Variants in OR9Q1 observed in about 807,000 individuals in gnomAD.
OR9Q1 encodes olfactory receptor 9Q1.
For missense variants in OR9Q1, 374 were observed against 378.8 expected (o/e 0.99, Z 0.11); for synonymous variants, 153 against 148.6 (o/e 1.03, Z -0.22).
chr11:58,112,296 GA>G (rs924746837), intron 2 of OR9Q1, among the ~76,000 whole-genome samples: 51 of 80,218 alleles, frequency 6.4e-4, no homozygotes, highest in South Asian at 4.4e-3. Flanking sequence ...TCGTCTCAAA[GA>G]AAAAAAAAAA....
intron 2 of OR9Q1, among the ~76,000 whole-genome samples, chr11:58,110,794 G>T (rs947607148): frequency 4.6e-5 from 7 of 152,140 alleles, no homozygotes; most frequent in Admixed American, 4.6e-4. Flanking sequence ...TAGAAATCAG[G>T]CTGATTATTC....
At chr11:58,060,035 G>A (rs1386289759) in intron 2 of OR9Q1, 1 of 152,372 alleles carries the variant, frequency 6.6e-6, no homozygotes, top group Non-Finnish European at 1.5e-5. Context: ...TCTGGTAGGA[G>A]ACTTGCTGGG....
chr11:58,141,998 G>A (rs1446027019), intron 2 of OR9Q1, among the ~76,000 whole-genome samples: 1 of 152,062 alleles, frequency 6.6e-6, no homozygotes, highest in Non-Finnish European at 1.5e-5. Flanking sequence ...TCCATTGCTG[G>A]CAATTTATGT....
chr11:58,128,353 T>C (rs1428462032), intron 2 of OR9Q1, among the ~76,000 whole-genome samples: 1 of 151,034 alleles, frequency 6.6e-6, no homozygotes, highest in Non-Finnish European at 1.5e-5. Context: ...CTTTTTCAGA[T>C]GTAAGAATTG....
chr11:58,144,124 A>C (rs2513719), intron 2 of OR9Q1, among the ~76,000 whole-genome samples: 149,333 of 150,800 alleles, frequency 0.99, 73,957 homozygotes, highest in East Asian at 1. Flanking sequence ...GTGTGCTGCA[A>C]CCATTAACTC....
chr11:58,166,010 GCAGAGACGGTGGGT>G (rs1410630839), intron 2 of OR9Q1, among the ~76,000 whole-genome samples: 2 of 152,168 alleles, frequency 1.3e-5, no homozygotes, highest in African/African-American at 4.8e-5. Context: ...CAGGAAAGAG[GCAGAGACGGTGGGT>G]CACCAAAAAG....
chr11:58,110,456 C>A (rs892017853), intron 2 of OR9Q1, among the ~76,000 whole-genome samples: 3 of 152,094 alleles, frequency 2.0e-5, no homozygotes, highest in Non-Finnish European at 4.4e-5. Flanking sequence ...TCTGTGAAAC[C>A]ATTAGGTTTA....
intron 2 of OR9Q1, chr11:58,118,730 A>G (rs755715601): frequency 3.7e-6 from 6 of 1,614,074 alleles, no homozygotes; most frequent in Non-Finnish European, 4.2e-6. Context: ...GCACATGTGG[A>G]GAAAGTCTTG....
chr11:58,103,817 G>A (rs185548378), intron 2 of OR9Q1, among the ~76,000 whole-genome samples: 174 of 152,188 alleles, frequency 1.1e-3, no homozygotes, highest in South Asian at 2.9e-3. Context: ...TTTTATTCTG[G>A]GTAAGCACAG....
chr11:58,126,959 G>A (rs1471469481), intron 2 of OR9Q1, among the ~76,000 whole-genome samples: 1 of 151,416 alleles, frequency 6.6e-6, no homozygotes, highest in Non-Finnish European at 1.5e-5. Flanking sequence ...TATTGTTATT[G>A]TTAAGCATTT....
intron 2 of OR9Q1, among the ~76,000 whole-genome samples, chr11:58,062,257 T>TC (rs1853386880): frequency 6.6e-6 from 1 of 152,212 alleles, no homozygotes; most frequent in African/African-American, 2.4e-5. Context: ...CCATTGTGGC[T>TC]CTGAAGTCAG....
chr11:58,161,262 A>T (rs1022980928), intron 2 of OR9Q1, among the ~76,000 whole-genome samples: 4 of 151,250 alleles, frequency 2.6e-5, no homozygotes, highest in Non-Finnish European at 4.4e-5. Flanking sequence ...AAAAGAAAAG[A>T]GTTATATATG....
intron 2 of OR9Q1, among the ~76,000 whole-genome samples, chr11:58,067,349 G>A (rs1189082970): frequency 1.3e-5 from 2 of 152,044 alleles, no homozygotes; most frequent in Non-Finnish European, 2.9e-5. Context: ...TTTTTGGCTT[G>A]AATTCTATTC....
At chr11:58,100,888 G>A (rs1445268074) in intron 2 of OR9Q1, among the ~76,000 whole-genome samples, 2 of 151,968 alleles carry the variant, frequency 1.3e-5, no homozygotes, top group Admixed American at 1.3e-4. Flanking sequence ...ACTGGAGAAC[G>A]TTGTGTCAAG....
intron 2 of OR9Q1, among the ~76,000 whole-genome samples, chr11:58,133,381 C>T (rs1419377552): frequency 6.6e-6 from 1 of 152,156 alleles, no homozygotes; most frequent in African/African-American, 2.4e-5. Flanking sequence ...GATGGTGTAA[C>T]CAGAGTCCAG....
intron 2 of OR9Q1, among the ~76,000 whole-genome samples, chr11:58,160,859 G>C (rs1854450529): frequency 6.6e-6 from 1 of 152,092 alleles, no homozygotes; most frequent in African/African-American, 2.4e-5. Context: ...CAACCATTTT[G>C]TAATATATGA....
At chr11:58,170,937 T>A (rs1448844191) in intron 2 of OR9Q1, among the ~76,000 whole-genome samples, 3 of 152,184 alleles carry the variant, frequency 2.0e-5, no homozygotes, top group Admixed American at 2.0e-4. Context: ...CTTTATTCCA[T>A]GATGTATCAA....
chr11:58,179,471 G>C lies in OR9Q1; in HGVS notation c.27G>C (p.Val9=), dbSNP rs1008807876. The part of the protein sequence containing the change: MAEMNLTL[V]TEFLLIAFTE... ...TGGCAGAGATGAACCTCACCTTGGT[G>C]ACCGAGTTCCTCCTTATTGCATTCA... Residue 9 remains valine, a synonymous_variant, in exon 3 of 3, where the codon GTG becomes GTC. Transcript: ENST00000335397. The C allele has an allele frequency of 1.3e-6, 2 of 1,574,630 alleles. No homozygotes were observed. Among genetic ancestry groups the C allele is most frequent in the Non-Finnish European group, 1.7e-6 (2 of 1,159,032 alleles).
rs559762654 is a variant in OR9Q1 at position 58,139,662 on chromosome 11, T to A, written c.-14-39769T>A. 8.4e-4 allele frequency among the ~76,000 whole-genome samples: 128 copies of A among 152,222 alleles called. 1 individual carries two copies. Among genetic ancestry groups the A allele is most frequent in the African/African-American group, 2.7e-3 (114 of 41,550 alleles). On this transcript the variant is annotated intron_variant, in intron 2 of 2. Coordinates refer to ENST00000335397, the MANE Select transcript of OR9Q1 (RefSeq NM_001005212.4). ...TATTCCATGGTGTATATGTGCCACA[T>A]TTTCTTAATCCAGTCTATCATTGTT...
Sources: gnomAD v4.1 joint callset for allele counts (sites outside exome capture counted in the v4.1 genomes callset) on GRCh38, gnomAD v4.1.1 for gene constraint, MANE v1.5 for transcripts, NCBI Gene and HGNC (gene_info 2026-07-23, HGNC 2026-07-21) for gene names.